Variants in CHODL observed in about 807,000 individuals in gnomAD.
CHODL encodes transmembrane protein MT75.
CHODL carries 29 observed loss-of-function variants against 34.5 expected under a neutral mutation model. That is an observed-to-expected ratio of 0.84 (90% CI 0.63 to 1.15). The LOEUF (loss-of-function observed/expected upper bound fraction) is 1.15, where lower values mean the gene tolerates loss of function less well. Ranked by LOEUF, CHODL falls within the 50% of genes most tolerant of loss-of-function variation. CHODL has a pLI of 0.00. For synonymous variants in CHODL, 125 were observed against 116.1 expected (o/e 1.08, Z -0.49); for missense variants, 332 against 332.5 (o/e 1.00, Z 0.01).
chr21:18,059,086 T>C (rs2064622218), intron 2 of CHODL, among the ~76,000 whole-genome samples: 1 of 152,150 alleles, frequency 6.6e-6, no homozygotes, highest in African/African-American at 2.4e-5. Context: ...CTTTAGGAAA[T>C]TAATTAAGGT....
chr21:18,027,529 A>G (rs767845777), intron 1 of CHODL, among the ~76,000 whole-genome samples: 11 of 152,184 alleles, frequency 7.2e-5, no homozygotes, highest in Non-Finnish European at 1.3e-4. Context: ...GATTTAACGT[A>G]GGTAATGAGC....
At chr21:18,032,904 C>T (rs2064264422) in intron 2 of CHODL, among the ~76,000 whole-genome samples, 1 of 151,902 alleles carries the variant, frequency 6.6e-6, no homozygotes, top group African/African-American at 2.4e-5. Flanking sequence ...CTATTGAGTG[C>T]TTATTTTGTG....
intron 2 of CHODL, among the ~76,000 whole-genome samples, chr21:18,174,367 G>A (rs139786202): frequency 6.6e-6 from 1 of 151,346 alleles, no homozygotes; most frequent in East Asian, 1.9e-4. Context: ...AATTGGATTC[G>A]ATATCTACTA....
chr21:17,925,483 A>T (rs1295805880), intron 1 of CHODL, among the ~76,000 whole-genome samples: 1 of 152,192 alleles, frequency 6.6e-6, no homozygotes, highest in African/African-American at 2.4e-5. Context: ...TAACTCATTG[A>T]TTTCTCAACT....
At chr21:18,205,469 C>CT (rs150863917) in intron 2 of CHODL, among the ~76,000 whole-genome samples, 24,734 of 151,930 alleles carry the variant, frequency 0.16, 2,521 homozygotes, top group African/African-American at 0.29. Context: ...TTTATTTCTG[C>CT]CTGATCTTTA....
chr21:18,093,389 T>C (rs1400040520), intron 2 of CHODL, among the ~76,000 whole-genome samples: 1 of 152,078 alleles, frequency 6.6e-6, no homozygotes, highest in Admixed American at 6.6e-5. Flanking sequence ...GAAGAAATCA[T>C]TTAAAGATAC....
At chr21:18,140,884 T>C (rs2072792857) in intron 2 of CHODL, among the ~76,000 whole-genome samples, 1 of 151,056 alleles carries the variant, frequency 6.6e-6, no homozygotes, top group Non-Finnish European at 1.5e-5. Flanking sequence ...ATGCGAATTT[T>C]GATACAAAGA....
At chr21:18,123,311 C>T (rs533055542) in intron 2 of CHODL, among the ~76,000 whole-genome samples, 2 of 152,332 alleles carry the variant, frequency 1.3e-5, no homozygotes, top group South Asian at 4.1e-4. Flanking sequence ...CCACTTCCCA[C>T]TCTGCTCCTG....
chr21:17,943,363 A>G (rs2063381052), intron 1 of CHODL, among the ~76,000 whole-genome samples: 1 of 152,170 alleles, frequency 6.6e-6, no homozygotes, highest in Non-Finnish European at 1.5e-5. Flanking sequence ...CAGATTTTGG[A>G]CTTGCCTAAA....
rs1203424420 is a variant in CHODL at position 17,988,370 on chromosome 21, GTTT to G, written c.-144-39490_-144-39488del. On this transcript the variant is annotated intron_variant, in intron 1 of 6. Transcript: ENST00000400127. ...TATTGGTTATTGTTTCCTGTGGGAA[GTTT>G]TTTTTTTTTTTCCCTTTTTTCCTTT... is the stretch of plus-strand genomic sequence containing the variant. 3.0e-4 allele frequency among the ~76,000 whole-genome samples: 40 copies of G among 132,584 alleles called. 1 individual carries two copies. Among genetic ancestry groups the G allele is most frequent in the African/African-American group, 1.1e-3 (38 of 35,342 alleles). The allele number at this position is 132,584 out of a possible 152,430, so 87.0% of individuals were successfully genotyped here.
intron 1 of CHODL, among the ~76,000 whole-genome samples, chr21:17,986,719 G>A (rs2063756511): frequency 6.6e-6 from 1 of 152,150 alleles, no homozygotes; most frequent in Non-Finnish European, 1.5e-5. Context: ...TCTAGTTCTA[G>A]GTCCTTGAGG....
chr21:18,023,002 G>A (rs1057292925), intron 1 of CHODL, among the ~76,000 whole-genome samples: 2 of 152,284 alleles, frequency 1.3e-5, no homozygotes, highest in Non-Finnish European at 2.9e-5. Flanking sequence ...AGCTGGTAAC[G>A]GCTGTTGCCT....
intron 2 of CHODL, among the ~76,000 whole-genome samples, chr21:18,031,257 G>T (rs999859980): frequency 6.6e-6 from 1 of 152,100 alleles, no homozygotes; most frequent in African/African-American, 2.4e-5. Flanking sequence ...TTTGCCTAAA[G>T]ATGTCATAAG....
chr21:17,926,994 GCA>G (rs1370688214), intron 1 of CHODL, among the ~76,000 whole-genome samples: 5 of 149,152 alleles, frequency 3.4e-5, no homozygotes, highest in South Asian at 2.1e-4. Context: ...ACACACACAC[GCA>G]CACACACACA....
chr21:18,188,966 T>C (rs1238681634), intron 2 of CHODL, among the ~76,000 whole-genome samples: 1 of 152,222 alleles, frequency 6.6e-6, no homozygotes, highest in African/African-American at 2.4e-5. Context: ...CAGACATTGC[T>C]GGGCAGATGT....
chr21:18,264,947 A>G (rs988676052), intron 5 of CHODL, among the ~76,000 whole-genome samples: 2 of 152,114 alleles, frequency 1.3e-5, no homozygotes, highest in African/African-American at 4.8e-5. Flanking sequence ...ATCCATACAC[A>G]TAGTATAATA....
At chr21:17,930,085 C>T (rs909818980) in intron 1 of CHODL, among the ~76,000 whole-genome samples, 1 of 148,218 alleles carries the variant, frequency 6.7e-6, no homozygotes, top group Admixed American at 6.7e-5. Flanking sequence ...GCTGTTGCTG[C>T]AACTGCCACC....
intron 2 of CHODL, among the ~76,000 whole-genome samples, chr21:18,197,363 C>T (rs1438432127): frequency 6.6e-6 from 1 of 152,304 alleles, no homozygotes; most frequent in East Asian, 1.9e-4. Context: ...CTAATCCCAG[C>T]TCTTTGGGAG....
At chr21:18,030,645 T>A (rs911265395) in intron 2 of CHODL, among the ~76,000 whole-genome samples, 11 of 152,222 alleles carry the variant, frequency 7.2e-5, no homozygotes, top group Non-Finnish European at 1.3e-4. Context: ...CAATGAAGAA[T>A]GCAGAAATTG....
Sources: allele counts gnomAD v4.1 joint callset (sites outside exome capture counted in the v4.1 genomes callset), GRCh38; gene constraint gnomAD v4.1.1; transcripts MANE v1.5; gene names NCBI Gene and HGNC (gene_info 2026-07-23, HGNC 2026-07-21).